KCNH1: variants seen among roughly 807,000 people sequenced by gnomAD.
The protein encoded by KCNH1 is voltage-gated delayed rectifier potassium channel KCNH1.
In KCNH1, 27 loss-of-function variants were observed where a neutral mutation model predicts 69.2. The observed-to-expected ratio is 0.39, with a 90% CI of 0.29 to 0.54. The LOEUF (loss-of-function observed/expected upper bound fraction) is 0.54. Among genes scored for constraint, KCNH1 ranks in the 20% least tolerant of loss-of-function variants. The pLI is 0.68. For missense variants in KCNH1, 798 were observed against 1,261.6 expected (o/e 0.63, Z 5.57); for synonymous variants, 456 against 487.7 (o/e 0.93, Z 0.86).
intron 10 of KCNH1, among the ~76,000 whole-genome samples, chr1:210,693,708 C>T (rs1220157109): frequency 6.6e-6 from 1 of 152,172 alleles, no homozygotes; most frequent in African/African-American, 2.4e-5. Flanking sequence ...CATCTTACAT[C>T]ATCTTATTCA....
intron 10 of KCNH1, among the ~76,000 whole-genome samples, chr1:210,760,484 C>A (rs1683492990): frequency 6.6e-6 from 1 of 152,156 alleles, no homozygotes; most frequent in African/African-American, 2.4e-5. Context: ...CCCAGACAAG[C>A]AATTGCTAAG....
At chr1:211,092,760 C>T (rs533274040) in intron 3 of KCNH1, among the ~76,000 whole-genome samples, 126 of 152,094 alleles carry the variant, frequency 8.3e-4, no homozygotes, top group African/African-American at 2.9e-3. Context: ...AGCAATTAAG[C>T]TTATATCCTC....
intron 6 of KCNH1, among the ~76,000 whole-genome samples, chr1:210,947,830 A>C (rs1687988003): frequency 1.3e-5 from 2 of 152,128 alleles, no homozygotes; most frequent in Non-Finnish European, 2.9e-5. Context: ...TATCTGTGTG[A>C]TCTTGAGCAT....
At chr1:210,715,166 G>T (rs1435968470) in intron 10 of KCNH1, among the ~76,000 whole-genome samples, 3 of 152,148 alleles carry the variant, frequency 2.0e-5, no homozygotes, top group African/African-American at 7.2e-5. Context: ...CTTCCATCAG[G>T]GGCAGAGATA....
chr1:211,103,401 G>A, intron 3 of KCNH1, 95 bp downstream of exon 3: 4 of 726,392 alleles, frequency 5.5e-6, no homozygotes, highest in Non-Finnish European at 9.2e-6. Flanking sequence ...TAGCTGGTGG[G>A]AGAGAAGAAA....
chr1:210,767,815 G>T (rs2102360295), intron 10 of KCNH1, among the ~76,000 whole-genome samples: 1 of 152,294 alleles, frequency 6.6e-6, no homozygotes, highest in African/African-American at 2.4e-5. Context: ...AGCTAGGCCA[G>T]ATCTTTTCTA....
chr1:210,864,740 C>T (rs189629490), intron 7 of KCNH1, among the ~76,000 whole-genome samples: 12 of 152,250 alleles, frequency 7.9e-5, no homozygotes, highest in African/African-American at 2.6e-4. Flanking sequence ...ATTCTGAGCA[C>T]GAGAAATTTA....
At chr1:210,959,908 C>A (rs899315668) in intron 6 of KCNH1, among the ~76,000 whole-genome samples, 1 of 152,202 alleles carries the variant, frequency 6.6e-6, no homozygotes, top group South Asian at 2.1e-4. Context: ...CCTCCATGGG[C>A]TATACCCACT....
At chr1:211,082,637 T>G (rs1284815606) in intron 5 of KCNH1, 143 bp downstream of exon 5, 17 of 682,978 alleles carry the variant, frequency 2.5e-5, no homozygotes, top group Non-Finnish European at 4.2e-5. Context: ...TATCATACAC[T>G]GTGGTGTGTA....
chr1:210,836,418 CAGA>C lies in KCNH1; in HGVS notation c.1463-32255_1463-32253del, dbSNP rs371727119. Among the ~76,000 whole-genome samples the C allele has an allele frequency of 6.0e-4, 91 of 152,274 alleles. No individual in the cohort carries two copies. The East Asian group carries it at 0.015, about 25-fold the overall frequency. ...CCTGCCAGGAAATTACCTTAAGTCT[CAGA>C]AGAATGCTGATGCACTTTGGCAGAG... On this transcript the variant is annotated intron_variant, in intron 7 of 10. Transcript: ENST00000271751.
intron 6 of KCNH1, among the ~76,000 whole-genome samples, chr1:210,948,647 C>G (rs1574355213): frequency 6.6e-6 from 1 of 151,682 alleles, no homozygotes; most frequent in African/African-American, 2.4e-5. Flanking sequence ...GGCTAACACA[C>G]TGAAACCCTG....
intron 10 of KCNH1, among the ~76,000 whole-genome samples, chr1:210,685,852 C>T (rs899387423): frequency 3.9e-5 from 6 of 152,322 alleles, no homozygotes; most frequent in African/African-American, 1.2e-4. Flanking sequence ...GCCAAATAAA[C>T]GGTTAATTGC....
intron 6 of KCNH1, among the ~76,000 whole-genome samples, chr1:210,987,422 C>T (rs1688861554): frequency 6.6e-6 from 1 of 151,896 alleles, no homozygotes; most frequent in Non-Finnish European, 1.5e-5. Flanking sequence ...TTTTATCTAC[C>T]TTTGGTCTTT....
At chr1:210,697,913 A>G (rs1222630787) in intron 10 of KCNH1, among the ~76,000 whole-genome samples, 2 of 152,226 alleles carry the variant, frequency 1.3e-5, no homozygotes, top group African/African-American at 4.8e-5. Flanking sequence ...AGATAATGCA[A>G]AATTAGGGGA....
chr1:210,775,620 C>T, intron 9 of KCNH1, 76 bp from the exon 10 acceptor site: 2 of 1,086,880 alleles, frequency 1.8e-6, no homozygotes, highest in Non-Finnish European at 2.7e-6. Flanking sequence ...CCCTCTATTC[C>T]CCAGAATTGC....
intron 5 of KCNH1, among the ~76,000 whole-genome samples, chr1:211,052,317 A>G (rs1690221720): frequency 6.6e-6 from 1 of 152,242 alleles, no homozygotes; most frequent in East Asian, 1.9e-4. Context: ...CTCATTTTCA[A>G]TGTACCATGA....
chr1:211,091,293 C>T lies in KCNH1; in HGVS notation c.311-603G>A, dbSNP rs199840594. On this transcript the variant is annotated intron_variant, in intron 3 of 10. Transcript: ENST00000271751. ...GCCTCCTGAGTGCAAGTGATTCTCC[C>T]GCCTCAGCCTCCCGAGGTAGCTGGA... 1.6e-4 allele frequency among the ~76,000 whole-genome samples: 25 copies of T among 152,130 alleles called. No homozygotes were observed. The East Asian group carries it at 4.6e-3, about 28-fold the overall frequency.
chr1:210,991,966 A>G (rs941809951), intron 6 of KCNH1, among the ~76,000 whole-genome samples: 1 of 152,210 alleles, frequency 6.6e-6, no homozygotes, highest in African/African-American at 2.4e-5. Context: ...TCAAATCCTC[A>G]GGAATAAATA....
rs1053530542 is a variant in KCNH1 at position 210,899,194 on chromosome 1, C to T, written c.1462+20446G>A. On this transcript the variant is annotated intron_variant, in intron 7 of 10. Coordinates refer to ENST00000271751, the MANE Select transcript of KCNH1 (RefSeq NM_172362.3). ...TAAGACATTACTGTCCTTTTTGACTCTCATTCTCTCACAAATGTACAGTGA... is the reference window on the plus strand; with the variant it reads ...TAAGACATTACTGTCCTTTTTGACTTTCATTCTCTCACAAATGTACAGTGA... Among the ~76,000 whole-genome samples, 5 of 152,094 alleles carry T rather than the reference C, an allele frequency of 3.3e-5. No individual in the cohort carries two copies. The South Asian group carries it at 1.0e-3, about 32-fold the overall frequency.
Sources: gnomAD v4.1 joint callset for allele counts (sites outside exome capture counted in the v4.1 genomes callset) on GRCh38, gnomAD v4.1.1 for gene constraint, MANE v1.5 for transcripts, NCBI Gene and HGNC (gene_info 2026-07-23, HGNC 2026-07-21) for gene names.